Variants in PRKCA observed in about 807,000 individuals in gnomAD.
PRKCA encodes the protein protein kinase C alpha.
PRKCA carries 27 observed loss-of-function variants against 87.0 expected under a neutral mutation model. The observed-to-expected ratio is 0.31, with a 90% confidence interval of 0.23 to 0.43. The LOEUF is 0.43. Among genes scored for constraint, PRKCA ranks in the 20% least tolerant of loss-of-function variants. PRKCA has a pLI of 1.00. For synonymous variants in PRKCA, 329 were observed against 311.1 expected (o/e 1.06, Z -0.61); for missense variants, 518 against 852.3 (o/e 0.61, Z 4.88).
intron 2 of PRKCA, among the ~76,000 whole-genome samples, chr17:66,455,852 G>T (rs1020148440): frequency 2.6e-5 from 4 of 152,102 alleles, no homozygotes; most frequent in African/African-American, 7.2e-5. Context: ...TCTCTTTTCT[G>T]ATTTCTCTCT....
chr17:66,675,891 A>G (rs903114278), intron 5 of PRKCA, among the ~76,000 whole-genome samples: 3 of 151,952 alleles, frequency 2.0e-5, no homozygotes, highest in African/African-American at 4.8e-5. Context: ...AACGTGTCCC[A>G]CCCTTGCCAG....
chr17:66,748,673 C>T (rs989401705), intron 13 of PRKCA, among the ~76,000 whole-genome samples: 3 of 152,050 alleles, frequency 2.0e-5, no homozygotes, highest in Admixed American at 6.5e-5. Context: ...GCATCAGCAG[C>T]GCAGCAGGAG....
intron 2 of PRKCA, among the ~76,000 whole-genome samples, chr17:66,453,121 T>G (rs12948610): frequency 6.6e-6 from 1 of 151,792 alleles, no homozygotes; most frequent in Admixed American, 6.6e-5. Context: ...TCCCACTGGC[T>G]AGGTGGTCAC....
intron 16 of PRKCA, among the ~76,000 whole-genome samples, chr17:66,802,564 A>G (rs1975925247): frequency 6.6e-6 from 1 of 151,956 alleles, no homozygotes; most frequent in African/African-American, 2.4e-5. Flanking sequence ...CACACCTCCT[A>G]GAAGATAAAG....
intron 14 of PRKCA, among the ~76,000 whole-genome samples, chr17:66,776,233 A>G (rs1398936296): frequency 1.3e-5 from 2 of 152,236 alleles, no homozygotes; most frequent in Non-Finnish European, 2.9e-5. Flanking sequence ...CAGCAACCTC[A>G]GTTCTTGCCT....
chr17:66,746,247 G>A (rs1023142016), intron 13 of PRKCA, among the ~76,000 whole-genome samples: 7 of 147,416 alleles, frequency 4.7e-5, no homozygotes, highest in African/African-American at 1.5e-4. Context: ...CAACTTCCTG[G>A]GCTCAGGGGA....
At chr17:66,711,497 A>C (rs1424393287) in intron 8 of PRKCA, among the ~76,000 whole-genome samples, 1 of 152,122 alleles carries the variant, frequency 6.6e-6, no homozygotes, top group Non-Finnish European at 1.5e-5. Flanking sequence ...GGAATTTTGC[A>C]ACTTGCATGT....
intron 2 of PRKCA, among the ~76,000 whole-genome samples, chr17:66,389,749 T>C (rs889020850): frequency 5.3e-5 from 8 of 152,234 alleles, no homozygotes; most frequent in African/African-American, 1.9e-4. Flanking sequence ...CTGATCAAGT[T>C]CATCTATTGT....
intron 14 of PRKCA, 98 bp from the exon 15 acceptor site, chr17:66,786,769 C>A: frequency 4.6e-6 from 4 of 878,158 alleles, no homozygotes; most frequent in Non-Finnish European, 5.4e-6. Context: ...GGCTGAGAAA[C>A]CTGGTCTGTT....
intron 3 of PRKCA, among the ~76,000 whole-genome samples, chr17:66,587,710 TATATGTGTGTATATGTATACATATATAC>T (rs1969643543): frequency 9.3e-6 from 1 of 107,732 alleles, no homozygotes; most frequent in African/African-American, 3.7e-5. Context: ...CATATATACG[TATATGTGTGTATATGTATACATATATAC>T]GTATATGTGT....
chr17:66,732,653 G>A (rs1973932097), intron 8 of PRKCA, 35 bp from the exon 9 acceptor site: 1 of 1,612,874 alleles, frequency 6.2e-7, no homozygotes, highest in East Asian at 2.2e-5. Flanking sequence ...CCAGAAAAAT[G>A]ACCCACGTGT....
chr17:66,619,444 T>C (rs1970611646), intron 3 of PRKCA, among the ~76,000 whole-genome samples: 1 of 152,168 alleles, frequency 6.6e-6, no homozygotes, highest in Non-Finnish European at 1.5e-5. Context: ...CACGGGGCTG[T>C]TGGGTTTTTT....
intron 3 of PRKCA, among the ~76,000 whole-genome samples, chr17:66,584,210 T>A (rs1969527775): frequency 6.6e-6 from 1 of 152,116 alleles, no homozygotes; most frequent in African/African-American, 2.4e-5. Flanking sequence ...GGTTTTTGTT[T>A]GTTTGTTTTT....
chr17:66,421,735 G>A (rs1005652326), intron 2 of PRKCA, among the ~76,000 whole-genome samples: 2 of 150,188 alleles, frequency 1.3e-5, no homozygotes, highest in Non-Finnish European at 3.0e-5. Flanking sequence ...TGGAGACTGG[G>A]TTTCATCATG....
intron 14 of PRKCA, among the ~76,000 whole-genome samples, chr17:66,786,217 C>T (rs1975389318): frequency 6.6e-6 from 1 of 152,210 alleles, no homozygotes; most frequent in Non-Finnish European, 1.5e-5. Flanking sequence ...CCAGATCCAC[C>T]TGACTCTAAA....
chr17:66,595,463 C>CTTTTTTTTTTTTTTTTTTTTTT (rs374376124), intron 3 of PRKCA, among the ~76,000 whole-genome samples: 2 of 116,556 alleles, frequency 1.7e-5, no homozygotes, highest in Non-Finnish European at 3.4e-5. Flanking sequence ...TCTTTTCCTT[C>CTTTTTTTTTTTTTTTTTTTTTT]TTTTTTTTTT....
At chr17:66,377,721 A>ATATATATTT (rs1350881561) in intron 2 of PRKCA, among the ~76,000 whole-genome samples, 1 of 69,150 alleles carries the variant, frequency 1.4e-5, no homozygotes, top group Non-Finnish European at 2.5e-5. Context: ...ATATATATAT[A>ATATATATTT]TTTTTTTTTT....
intron 5 of PRKCA, among the ~76,000 whole-genome samples, chr17:66,650,349 G>T (rs1407549562): frequency 7.9e-6 from 1 of 126,196 alleles, no homozygotes; most frequent in Non-Finnish European, 1.7e-5. Flanking sequence ...TATCAGAATG[G>T]TGTCGGGGTT....
At chr17:66,324,840 C>T (rs1262088465) in intron 2 of PRKCA, among the ~76,000 whole-genome samples, 1 of 152,196 alleles carries the variant, frequency 6.6e-6, no homozygotes, top group African/African-American at 2.4e-5. Context: ...TCACGGTCTT[C>T]ATTCAGCTTC....
Sources: allele counts gnomAD v4.1 joint callset (sites outside exome capture counted in the v4.1 genomes callset), GRCh38; gene constraint gnomAD v4.1.1; transcripts MANE v1.5; gene names NCBI Gene and HGNC (gene_info 2026-07-23, HGNC 2026-07-21).